The following CLVS2 variants were observed in gnomAD, a reference collection of about 807,000 sequenced individuals.
The protein encoded by CLVS2 is clavesin-2.
In CLVS2, 19 loss-of-function variants were observed where a neutral mutation model predicts 29.0. The observed-to-expected ratio is 0.66, with a 90% CI of 0.46 to 0.96. The LOEUF (loss-of-function observed/expected upper bound fraction) is 0.96. CLVS2 is among the 40% of genes least tolerant of loss of function. The pLI is 0.00. For missense variants in CLVS2, 294 were observed against 404.1 expected (o/e 0.73, Z 2.34); for synonymous variants, 161 against 151.3 (o/e 1.06, Z -0.47).
At chr6:123,026,936 T>C (rs190396754) in intron 3 of CLVS2, among the ~76,000 whole-genome samples, 4 of 152,332 alleles carry the variant, frequency 2.6e-5, no homozygotes, top group Admixed American at 2.6e-4. Flanking sequence ...ATTCTTATGT[T>C]ATTAAAATCA....
At position 123,055,923 on chromosome 6, in the gene CLVS2, C is replaced by T; in HGVS notation, c.793C>T (p.Leu265=). Reference sequence around the variant, plus strand: ...TGACATGGGGACATGGGCAAGAACACTGCTAGACCATGAATATGACGATGA... The same window carrying T: ...TGACATGGGGACATGGGCAAGAACATTGCTAGACCATGAATATGACGATGA... ...PYDMGTWART[L]LDHEYDDDSE... Residue 265 remains leucine (L), a synonymous_variant, in exon 5 of 6, where the codon CTG becomes TTG. Coordinates refer to ENST00000275162, the MANE Select transcript of CLVS2 (RefSeq NM_001010852.4). The T allele has an allele frequency of 6.2e-7, 1 of 1,613,868 alleles. No homozygotes were observed. The highest frequency in any genetic ancestry group is 8.5e-7 in the Non-Finnish European group (1 of 1,179,780).
intron 2 of CLVS2, among the ~76,000 whole-genome samples, chr6:122,999,221 G>A (rs577407559): frequency 6.6e-6 from 1 of 152,292 alleles, no homozygotes; most frequent in South Asian, 2.1e-4. Flanking sequence ...CATCTCTGGA[G>A]CCATCGTACA....
chr6:123,043,950 A>C (rs1268078480), intron 3 of CLVS2, among the ~76,000 whole-genome samples: 6 of 152,220 alleles, frequency 3.9e-5, no homozygotes, highest in Non-Finnish European at 8.8e-5. Context: ...TGAATAATTC[A>C]CTGATACACA....
At chr6:123,052,172 C>T (rs1409868096) in intron 4 of CLVS2, among the ~76,000 whole-genome samples, 1 of 152,080 alleles carries the variant, frequency 6.6e-6, no homozygotes, top group Non-Finnish European at 1.5e-5. Context: ...AAACATGATA[C>T]ATAGAAAGTG....
At chr6:123,010,475 T>C (rs1774732231) in intron 2 of CLVS2, among the ~76,000 whole-genome samples, 1 of 152,094 alleles carries the variant, frequency 6.6e-6, no homozygotes, top group Admixed American at 6.6e-5. Context: ...TCCTTCTCTT[T>C]CTATCCCTAC....
chr6:123,048,757 C>T (rs751438745), intron 4 of CLVS2, 25 bp downstream of exon 4: 1 of 1,414,454 alleles, frequency 7.1e-7, no homozygotes, highest in Non-Finnish European at 1.0e-6. Flanking sequence ...GATTTTTAAT[C>T]CTTTCTCTTC....
rs974197142 is a variant in CLVS2 at position 123,072,889 on chromosome 6, A to G, written c.*9128A>G. The G allele has an allele frequency of 2.0e-5, 3 of 152,076 alleles. No homozygotes were observed. The highest frequency in any genetic ancestry group is 4.4e-5 in the Non-Finnish European group (3 of 67,988). The allele number at this position is 152,076 out of a possible 1,614,324, so 9.4% of individuals were successfully genotyped here. On this transcript the variant is annotated 3_prime_UTR_variant, in exon 6 of 6. Coordinates refer to ENST00000275162, the MANE Select transcript of CLVS2 (RefSeq NM_001010852.4). The stretch of plus-strand genomic sequence containing the variant: ...TTTTTTGATTTCTGAGGATGAATGA[A>G]GTACTGTTAAATAAAATGTCACTAA...
At chr6:123,061,579 A>G (rs979260831) in intron 5 of CLVS2, among the ~76,000 whole-genome samples, 11 of 152,232 alleles carry the variant, frequency 7.2e-5, no homozygotes, top group Non-Finnish European at 1.3e-4. Context: ...ATCAGCATTC[A>G]TCATCCAACA....
intron 3 of CLVS2, among the ~76,000 whole-genome samples, chr6:123,045,740 G>T (rs549074437): frequency 1.3e-5 from 2 of 152,262 alleles, no homozygotes; most frequent in South Asian, 4.1e-4. Context: ...AGGAGCTCAC[G>T]GTTTAATAGT....
intron 2 of CLVS2, among the ~76,000 whole-genome samples, chr6:123,009,215 T>C (rs959154732): frequency 2.6e-5 from 4 of 151,928 alleles, no homozygotes; most frequent in African/African-American, 7.2e-5. Context: ...AATGAGATAA[T>C]GAGAATAGCA....
At position 123,054,942 on chromosome 6, in the gene CLVS2, A is replaced by G. The variant is rs980611845; in HGVS notation, c.676-864A>G. 2.6e-5 allele frequency among the ~76,000 whole-genome samples: 4 copies of G among 152,138 alleles called. 1 individual carries two copies. Among genetic ancestry groups the G allele is most frequent in the Admixed American group, 1.3e-4 (2 of 15,266 alleles). On this transcript the variant is annotated intron_variant, in intron 4 of 5. Transcript: ENST00000275162. ...CATTGCTACTGAGGGTTAAAGATAT[A>G]TAAGGACTGGGAATTGGATACTGAA...
intron 2 of CLVS2, among the ~76,000 whole-genome samples, chr6:123,003,448 C>T (rs554312089): frequency 3.6e-4 from 55 of 152,286 alleles, no homozygotes; most frequent in Admixed American, 5.9e-4. Flanking sequence ...AGGGCAGGTA[C>T]ATCTATTTCA....
intron 3 of CLVS2, among the ~76,000 whole-genome samples, chr6:123,030,140 T>A (rs1334225890): frequency 6.6e-6 from 1 of 152,230 alleles, no homozygotes; most frequent in East Asian, 1.9e-4. Flanking sequence ...CATTGTCTCC[T>A]TTCATATCAT....
chr6:123,035,992 A>G (rs1260120927), intron 3 of CLVS2, among the ~76,000 whole-genome samples: 1 of 152,118 alleles, frequency 6.6e-6, no homozygotes, highest in Non-Finnish European at 1.5e-5. Flanking sequence ...CCTGATGTGT[A>G]CGCTTGGACA....
At chr6:123,038,304 T>G (rs941494919) in intron 3 of CLVS2, among the ~76,000 whole-genome samples, 1 of 152,224 alleles carries the variant, frequency 6.6e-6, no homozygotes, top group Non-Finnish European at 1.5e-5. Flanking sequence ...ATGTTACTTA[T>G]TCTCTACCAG....
At position 123,055,905 on chromosome 6, in the gene CLVS2, G is replaced by A; in HGVS notation, c.775G>A (p.Gly259Arg). The change falls in exon 5 of 6, where the codon GGG becomes AGG. Residue 259 changes from glycine (G) to arginine (R), a missense_variant. This residue lies in a region of CLVS2 where 212 missense variants were observed against 336.4 expected (regional missense o/e 0.63). Coordinates refer to ENST00000275162, the MANE Select transcript of CLVS2 (RefSeq NM_001010852.4). ...AGGAATGCTGCCTCCTTATGACATG[G>A]GGACATGGGCAAGAACACTGCTAGA... ...FGGMLPPYDMGTWARTLLDHE... is the reference protein window; with the variant it reads ...FGGMLPPYDMRTWARTLLDHE... 6.2e-7 allele frequency: 1 copy of A among 1,613,880 alleles called. No individual in the cohort carries two copies. Among genetic ancestry groups the A allele is most frequent in the South Asian group, 1.1e-5 (1 of 91,078 alleles).
intron 4 of CLVS2, among the ~76,000 whole-genome samples, chr6:123,049,814 G>A (rs1015955409): frequency 6.6e-6 from 1 of 150,518 alleles, no homozygotes; most frequent in African/African-American, 2.5e-5. Flanking sequence ...TGGGGGGCGG[G>A]GAGGAATAGC....
At chr6:123,048,835 T>A in intron 4 of CLVS2, 103 bp downstream of exon 4, 1 of 747,070 alleles carries the variant, frequency 1.3e-6, no homozygotes, top group Non-Finnish European at 2.3e-6. Flanking sequence ...TACTTCTACA[T>A]TGTATAGAAA....
rs936788991 is a variant in CLVS2, at chr6:123,043,212, G to A, written c.565-5410G>A. ...ATAAAACTTGGAAAAAAACTTGAGC[G>A]CATACATCAAGATTCTTAGAGTATT... On this transcript the variant is annotated intron_variant, in intron 3 of 5. Transcript: ENST00000275162. Among the ~76,000 whole-genome samples the A allele has an allele frequency of 1.3e-4, 20 of 152,142 alleles. No individual in the cohort carries two copies. The East Asian group carries it at 2.1e-3, about 16-fold the overall frequency.
Sources: gnomAD v4.1 joint callset for allele counts (sites outside exome capture counted in the v4.1 genomes callset) on GRCh38, gnomAD v4.1.1 for gene constraint, gnomAD v4.1.1 regional missense constraint, MANE v1.5 for transcripts, NCBI Gene and HGNC (gene_info 2026-07-23, HGNC 2026-07-21) for gene names.